EFNA5: variants seen among roughly 807,000 people sequenced by gnomAD.
EFNA5 encodes ephrin A5.
In EFNA5, 5 loss-of-function variants were observed where a neutral mutation model predicts 22.9. That is an observed-to-expected ratio of 0.22 (90% CI 0.11 to 0.46). The LOEUF is 0.46. EFNA5 is among the 20% of genes least tolerant of loss of function. The pLI, the probability that EFNA5 is intolerant of heterozygous loss-of-function variation, is 0.99. For missense variants in EFNA5, 237 were observed against 293.3 expected (o/e 0.81, Z 1.40); for synonymous variants, 113 against 112.2 (o/e 1.01, Z -0.04).
chr5:107,605,683 A>G (rs572284764), intron 1 of EFNA5, among the ~76,000 whole-genome samples: 4 of 151,332 alleles, frequency 2.6e-5, no homozygotes, highest in Non-Finnish European at 5.9e-5. Flanking sequence ...ATCCATATGT[A>G]TTTCAACAGG....
intron 1 of EFNA5, among the ~76,000 whole-genome samples, chr5:107,477,014 T>C (rs997632089): frequency 1.3e-5 from 2 of 152,168 alleles, no homozygotes; most frequent in Non-Finnish European, 2.9e-5. Context: ...TGCTGAGCAT[T>C]TGTATCACTA....
At chr5:107,585,197 T>A (rs1416930907) in intron 1 of EFNA5, among the ~76,000 whole-genome samples, 1 of 152,114 alleles carries the variant, frequency 6.6e-6, no homozygotes, top group Non-Finnish European at 1.5e-5. Flanking sequence ...TCAATGGCAA[T>A]AAGTAGGTAC....
At chr5:107,530,931 C>G (rs1313436179) in intron 1 of EFNA5, among the ~76,000 whole-genome samples, 1 of 152,140 alleles carries the variant, frequency 6.6e-6, no homozygotes, top group Non-Finnish European at 1.5e-5. Flanking sequence ...CCAAGTATAT[C>G]ATTATTTCTT....
chr5:107,377,050 A>G lies in EFNA5; in HGVS notation c.*4205T>C, dbSNP rs2112477254. ...TGTCAGCATTTCAAAACAGCACTCG[A>G]TGAGTAAGTGCAAAGGAACTGCAAA... On this transcript the variant is annotated 3_prime_UTR_variant, in exon 5 of 5. Coordinates refer to ENST00000333274, the MANE Select transcript of EFNA5 (RefSeq NM_001962.3). The G allele has an allele frequency of 6.6e-6, 1 of 151,662 alleles. No individual in the cohort carries two copies. Among genetic ancestry groups the G allele is most frequent in the East Asian group, 1.9e-4 (1 of 5,146 alleles). 9.4% of individuals were successfully genotyped at this position (151,662 alleles called of 1,614,324 possible).
intron 1 of EFNA5, among the ~76,000 whole-genome samples, chr5:107,646,145 T>C: frequency 6.6e-6 from 1 of 152,096 alleles, no homozygotes; most frequent in East Asian, 1.9e-4. Flanking sequence ...ATCTAAGGTA[T>C]AGGAAAAGAG....
At chr5:107,447,464 T>C (rs1749427180) in intron 1 of EFNA5, among the ~76,000 whole-genome samples, 2 of 152,224 alleles carry the variant, frequency 1.3e-5, no homozygotes, top group South Asian at 2.1e-4. Context: ...GCTCAGGCTT[T>C]GTACTTAAAG....
chr5:107,670,827 G>A lies in EFNA5; in HGVS notation c.-214C>T, dbSNP rs1751184958. On this transcript the variant is annotated 5_prime_UTR_variant, in exon 1 of 5. Coordinates refer to ENST00000333274, the MANE Select transcript of EFNA5 (RefSeq NM_001962.3). ...AAAAGAAGGCGGTGGGATGGGGGGT[G>A]ATAAAGACAAACTCGCACCCCCACT... 2 of 602,976 alleles carry A rather than the reference G, an allele frequency of 3.3e-6. No individual in the cohort carries two copies. Among genetic ancestry groups the A allele is most frequent in the African/African-American group, 3.8e-5 (2 of 53,272 alleles). 37.4% of individuals were successfully genotyped at this position (602,976 alleles called of 1,614,324 possible).
intron 4 of EFNA5, among the ~76,000 whole-genome samples, chr5:107,386,879 G>A (rs1747639639): frequency 6.6e-6 from 1 of 152,156 alleles, no homozygotes; most frequent in Non-Finnish European, 1.5e-5. Context: ...ACATAGAAAT[G>A]TTTTGTGTCT....
At chr5:107,578,852 C>T (rs74589136) in intron 1 of EFNA5, among the ~76,000 whole-genome samples, 3,764 of 152,276 alleles carry the variant, frequency 0.025, 136 homozygotes, top group African/African-American at 0.085. Flanking sequence ...CTGGCTTCTA[C>T]GCTGGACATG....
chr5:107,523,803 T>C (rs1352561327), intron 1 of EFNA5, among the ~76,000 whole-genome samples: 2 of 152,200 alleles, frequency 1.3e-5, no homozygotes, highest in Non-Finnish European at 1.5e-5. Flanking sequence ...CATGGGTGCT[T>C]TTATATTTAG....
intron 1 of EFNA5, among the ~76,000 whole-genome samples, chr5:107,543,208 G>A (rs1167467432): frequency 2.6e-5 from 4 of 152,226 alleles, no homozygotes; most frequent in Middle Eastern, 3.4e-3. Context: ...CCTCCACTCC[G>A]ACAGGAGCTA....
chr5:107,618,188 C>T (rs1240093754), intron 1 of EFNA5, among the ~76,000 whole-genome samples: 1 of 152,152 alleles, frequency 6.6e-6, no homozygotes, highest in Non-Finnish European at 1.5e-5. Context: ...AGAAATTCTC[C>T]TCTGTTTCTT....
chr5:107,475,434 G>A (rs979519257), intron 1 of EFNA5, among the ~76,000 whole-genome samples: 12 of 152,284 alleles, frequency 7.9e-5, no homozygotes, highest in African/African-American at 2.9e-4. Flanking sequence ...AAAGGTTTTG[G>A]GAGAGAATGG....
At chr5:107,463,454 CT>C (rs1749887832) in intron 1 of EFNA5, among the ~76,000 whole-genome samples, 1 of 152,036 alleles carries the variant, frequency 6.6e-6, no homozygotes, top group Non-Finnish European at 1.5e-5. Flanking sequence ...AAGAGCCAAA[CT>C]ACTACACCTG....
chr5:107,631,993 G>T (rs1321585889), intron 1 of EFNA5, among the ~76,000 whole-genome samples: 3 of 152,224 alleles, frequency 2.0e-5, no homozygotes, highest in African/African-American at 7.2e-5. Context: ...GCAACAGACA[G>T]ATGCTGGCCA....
rs1450710138 is a variant in EFNA5 at position 107,378,440 on chromosome 5, T to G, written c.*2815A>C. On this transcript the variant is annotated 3_prime_UTR_variant, in exon 5 of 5. Coordinates refer to ENST00000333274, the MANE Select transcript of EFNA5 (RefSeq NM_001962.3). Reference sequence around the variant, plus strand: ...ATGACTGTCCTTCAGATTTTTGAGTTGTTTTTGAAATTAAAAGCTTCTAAA... The same window carrying G: ...ATGACTGTCCTTCAGATTTTTGAGTGGTTTTTGAAATTAAAAGCTTCTAAA... 6 of 152,156 alleles carry G rather than the reference T, an allele frequency of 3.9e-5. No homozygotes were observed. The allele number at this position is 152,156 out of a possible 1,614,324, so 9.4% of individuals were successfully genotyped here. A position where few individuals can be genotyped will look rare whatever the true frequency, so the allele number is the denominator to read the frequency against.
chr5:107,523,498 G>C (rs1016633896), intron 1 of EFNA5, among the ~76,000 whole-genome samples: 2 of 152,184 alleles, frequency 1.3e-5, no homozygotes, highest in African/African-American at 4.8e-5. Context: ...GGGGCCAGCA[G>C]GTGGAGAGCA....
chr5:107,422,941 G>T (rs1748711761), intron 2 of EFNA5, among the ~76,000 whole-genome samples: 1 of 152,164 alleles, frequency 6.6e-6, no homozygotes, highest in African/African-American at 2.4e-5. Flanking sequence ...TCTCCATTCT[G>T]CATTTTCCCT....
Position 107,378,702 on chromosome 5 carries a change from G to A in EFNA5, c.*2553C>T, listed in dbSNP as rs979030720. On this transcript the variant is annotated 3_prime_UTR_variant, in exon 5 of 5. Coordinates refer to ENST00000333274, the MANE Select transcript of EFNA5 (RefSeq NM_001962.3). ...GCAGTGGCAGAATGGTGAAGTAAAG[G>A]GGTCTAATTTCACTGTGAAAAAATG... The A allele has an allele frequency of 2.6e-5, 4 of 152,080 alleles. No homozygotes were observed. The highest frequency in any genetic ancestry group is 9.7e-5 in the African/African-American group (4 of 41,402). The allele number at this position is 152,080 out of a possible 1,614,324, so 9.4% of individuals were successfully genotyped here.
Sources: gnomAD v4.1 joint callset for allele counts (sites outside exome capture counted in the v4.1 genomes callset) on GRCh38, gnomAD v4.1.1 for gene constraint, MANE v1.5 for transcripts, NCBI Gene and HGNC (gene_info 2026-07-23, HGNC 2026-07-21) for gene names.